ARHGEF9: variants seen among roughly 807,000 people sequenced by gnomAD.
ARHGEF9 encodes Cdc42 guanine nucleotide exchange factor 9, also known as rho guanine nucleotide exchange factor 9.
ARHGEF9 carries 2 observed loss-of-function variants against 41.3 expected under a neutral mutation model. The ratio of observed to expected loss-of-function variants is 0.05; its 90% CI spans 0.02 to 0.15. The LOEUF is 0.15. Among genes scored for constraint, ARHGEF9 ranks in the 10% least tolerant of loss-of-function variants. The pLI is 1.00. For missense variants in ARHGEF9, 225 were observed against 424.7 expected (o/e 0.53, Z 4.13); for synonymous variants, 160 against 154.4 (o/e 1.04, Z -0.27).
At chrX:63,695,612 T>TA (rs1169445012) in intron 4 of ARHGEF9, among the ~76,000 whole-genome samples, 3 of 111,835 alleles carry the variant, frequency 2.7e-5, no homozygotes, top group African/African-American at 9.8e-5. Context: ...AGAAAAGAGT[T>TA]ATCGTATCAG....
intron 7 of ARHGEF9, among the ~76,000 whole-genome samples, chrX:63,664,861 A>G (rs782562438): frequency 1.8e-5 from 2 of 111,679 alleles, no homozygotes; most frequent in Non-Finnish European, 3.8e-5. Context: ...GCACACACAT[A>G]CACACACAGA....
chrX:63,659,919 T>C (rs1569446612), intron 7 of ARHGEF9, among the ~76,000 whole-genome samples: 1 of 111,674 alleles, frequency 9.0e-6, no homozygotes, highest in Non-Finnish European at 1.9e-5. Flanking sequence ...TTCTCAGGAA[T>C]AGAATGCTTA....
intron 8 of ARHGEF9, among the ~76,000 whole-genome samples, chrX:63,652,078 T>G (rs2048582517): frequency 9.0e-6 from 1 of 111,715 alleles, no homozygotes; most frequent in Non-Finnish European, 1.9e-5. Context: ...AAGTATGTAT[T>G]AAAACTGTTC....
chrX:63,672,697 A>T (rs2050033948), intron 6 of ARHGEF9, among the ~76,000 whole-genome samples: 1 of 111,510 alleles, frequency 9.0e-6, no homozygotes. Flanking sequence ...TCCAGGGAAT[A>T]GGAAGACAAC....
At chrX:63,735,971 A>G (rs186675400) in intron 1 of ARHGEF9, among the ~76,000 whole-genome samples, 1 of 112,197 alleles carries the variant, frequency 8.9e-6, no homozygotes, top group African/African-American at 3.2e-5. Flanking sequence ...CCTCTAGTCC[A>G]TGTCAGAAGC....
At chrX:63,779,571 C>T (rs1556460872) in intron 1 of ARHGEF9, among the ~76,000 whole-genome samples, 1 of 111,861 alleles carries the variant, frequency 8.9e-6, no homozygotes, top group East Asian at 2.8e-4. Flanking sequence ...AACTAAAATT[C>T]AAGATGAGAC....
Position 63,642,344 on chromosome X carries a change from G to T in ARHGEF9, c.1390+1636C>A, listed in dbSNP as rs782523486. The T allele has an allele frequency of 2.7e-5, 3 of 111,798 alleles. No individual in the cohort carries two copies. In the South Asian group the frequency reaches 1.1e-3, roughly 42 times the overall value. The allele number at this position is 111,798 out of a possible 1,213,427, so 9.2% of individuals were successfully genotyped here. On this transcript the variant is annotated intron_variant, in intron 9 of 9. Coordinates refer to ENST00000671741, the MANE Select transcript of ARHGEF9 (RefSeq NM_001353921.2). ...TGTTAATACAGGTCATATCCTTACT[G>T]ACATTAACTCCAGATTGCTTTCTAA...
chrX:63,664,592 T>C (rs1461187703), intron 7 of ARHGEF9, among the ~76,000 whole-genome samples: 1 of 112,353 alleles, frequency 8.9e-6, no homozygotes, highest in East Asian at 2.8e-4. Context: ...CCTGATTTTA[T>C]GAAAGTCCTG....
intron 2 of ARHGEF9, among the ~76,000 whole-genome samples, chrX:63,711,461 A>C (rs1287345271): frequency 8.9e-6 from 1 of 111,916 alleles, no homozygotes; most frequent in Non-Finnish European, 1.9e-5. Context: ...AATAGATATA[A>C]AGATCAATGA....
chrX:63,737,330 G>T (rs781961741), intron 1 of ARHGEF9, among the ~76,000 whole-genome samples: 2 of 112,164 alleles, frequency 1.8e-5, no homozygotes, highest in Non-Finnish European at 3.8e-5. Context: ...CAGATCCAGC[G>T]CCTCTCTGAG....
At chrX:63,663,176 T>C (rs1556343513) in intron 7 of ARHGEF9, among the ~76,000 whole-genome samples, 1 of 111,626 alleles carries the variant, frequency 9.0e-6, no homozygotes, top group Non-Finnish European at 1.9e-5. Flanking sequence ...TTTTCCTTGA[T>C]AGAGAAGGAA....
chrX:63,741,251 A>T (rs1314163620), intron 1 of ARHGEF9, among the ~76,000 whole-genome samples: 1 of 112,215 alleles, frequency 8.9e-6, no homozygotes, highest in Non-Finnish European at 1.9e-5. Context: ...CTGCCTGTTA[A>T]CTCACATCTG....
chrX:63,677,737 G>A (rs1435141602), intron 5 of ARHGEF9, among the ~76,000 whole-genome samples: 11 of 111,663 alleles, frequency 9.9e-5, no homozygotes, highest in African/African-American at 2.9e-4. Flanking sequence ...AGGTGAAAGT[G>A]TACAGAAATG....
intron 8 of ARHGEF9, among the ~76,000 whole-genome samples, chrX:63,654,127 A>G (rs782091492): frequency 9.6e-5 from 10 of 104,225 alleles, no homozygotes; most frequent in Non-Finnish European, 1.8e-4. Flanking sequence ...TAAATTTCCT[A>G]CAATGGAAGT....
intron 8 of ARHGEF9, among the ~76,000 whole-genome samples, chrX:63,655,106 G>A (rs1556334104): frequency 8.9e-6 from 1 of 112,483 alleles, no homozygotes; most frequent in East Asian, 2.8e-4. Flanking sequence ...GGGGGATTTA[G>A]TTAACATCTG....
Position 63,635,167 on chromosome X carries a change from A to AC in ARHGEF9, c.*2860dup, listed in dbSNP as rs1556295117. On this transcript the variant is annotated 3_prime_UTR_variant, in exon 10 of 10. Coordinates refer to ENST00000671741, the MANE Select transcript of ARHGEF9 (RefSeq NM_001353921.2). ...CAAAGTCACTGTTGCCCATCCATCC[A>AC]CCCCAGCCCACCCCATCCCCAAAGC... 2.5e-6 allele frequency: 1 copy of AC among 393,889 alleles called. No individual in the cohort carries two copies. Among genetic ancestry groups the AC allele is most frequent in the Non-Finnish European group, 4.4e-6 (1 of 225,447 alleles). 32.5% of individuals were successfully genotyped at this position (393,889 alleles called of 1,213,427 possible).
At chrX:63,774,232 A>G (rs1332015522) in intron 1 of ARHGEF9, among the ~76,000 whole-genome samples, 1 of 111,478 alleles carries the variant, frequency 9.0e-6, no homozygotes, top group Non-Finnish European at 1.9e-5. Context: ...ACACATTGTG[A>G]CAGCTGCTGG....
intron 1 of ARHGEF9, among the ~76,000 whole-genome samples, chrX:63,760,995 G>T (rs1556449402): frequency 1.8e-5 from 2 of 111,129 alleles, no homozygotes; most frequent in Non-Finnish European, 3.8e-5. Context: ...CTGCCTTTCA[G>T]ACCTGAGAAC....
chrX:63,744,979 A>G (rs2055178380), intron 1 of ARHGEF9, among the ~76,000 whole-genome samples: 1 of 110,953 alleles, frequency 9.0e-6, no homozygotes, highest in African/African-American at 3.3e-5. Flanking sequence ...CTCTATCCCA[A>G]TGCCAAGGCA....
Sources: gnomAD v4.1 joint callset for allele counts (sites outside exome capture counted in the v4.1 genomes callset) on GRCh38, gnomAD v4.1.1 for gene constraint, MANE v1.5 for transcripts, NCBI Gene and HGNC (gene_info 2026-07-23, HGNC 2026-07-21) for gene names.